RBBP6: variants seen among roughly 807,000 people sequenced by gnomAD.
RBBP6 encodes the protein RB binding protein 6, ubiquitin ligase.
Under a neutral mutation model 167.7 loss-of-function variants are expected in RBBP6, and 25 were observed. The ratio of observed to expected loss-of-function variants is 0.15; its 90% CI spans 0.11 to 0.21. The LOEUF is 0.21. Among genes scored for constraint, RBBP6 ranks in the 10% least tolerant of loss-of-function variants. The probability of loss-of-function intolerance (pLI) is 1.00; values close to 1 mark genes in which losing one functional copy is unlikely to be tolerated. For synonymous variants in RBBP6, 789 were observed against 735.8 expected (o/e 1.07, Z -1.17); for missense variants, 1,868 against 2,134.2 (o/e 0.88, Z 2.46).
intron 14 of RBBP6, among the ~76,000 whole-genome samples, chr16:24,565,527 C>T (rs190810229): frequency 4.9e-4 from 75 of 152,350 alleles, no homozygotes; most frequent in Admixed American, 4.7e-3. Context: ...GTCAGATCAG[C>T]AGTGGCATTA....
rs753116396 is a variant in RBBP6, at chr16:24,564,845, A to C, written c.1569A>C (p.Arg523Ser). ...TTTCTCCACCACAACAAATTAGAAG[A>C]GGGGAGAGGAGCTGCTACAGGTAGG... ...YLVSPPQQIR[R>S]GERSCYRSIN... is the part of the protein sequence containing the mutation. Residue 523 changes from arginine to serine, a missense_variant, in exon 14 of 18, where the codon AGA (arginine) becomes AGC (serine). This residue lies in a region of RBBP6 where 245 missense variants were observed against 240.1 expected (regional missense o/e 1.02). Transcript: ENST00000319715. 6.2e-7 allele frequency: 1 copy of C among 1,613,206 alleles called. No homozygotes were observed. Among genetic ancestry groups the C allele is most frequent in the South Asian group, 1.1e-5 (1 of 90,906 alleles).
chr16:24,570,846 T>A, intron 17 of RBBP6, 30 bp from the exon 18 acceptor site: 1 of 1,375,730 alleles, frequency 7.3e-7, no homozygotes, highest in Non-Finnish European at 9.5e-7. Context: ...AATTCTTCAT[T>A]AATTAAAAAT....
intron 8 of RBBP6, among the ~76,000 whole-genome samples, chr16:24,560,351 C>T (rs1899020710): frequency 6.6e-6 from 1 of 152,132 alleles, no homozygotes; most frequent in Non-Finnish European, 1.5e-5. Flanking sequence ...CGTGATCCGC[C>T]CACCTCGGCC....
intron 1 of RBBP6, among the ~76,000 whole-genome samples, chr16:24,541,318 A>G (rs1196778425): frequency 6.6e-6 from 1 of 151,486 alleles, no homozygotes; most frequent in Non-Finnish European, 1.5e-5. Context: ...TGTGTTGTGG[A>G]TAAGGGATCT....
At position 24,567,432 on chromosome 16, in the gene RBBP6, A is replaced by G. The variant is rs1297279228; in HGVS notation, c.1879A>G (p.Thr627Ala). The G allele has an allele frequency of 8.1e-6, 13 of 1,614,048 alleles. No individual in the cohort carries two copies. The highest frequency in any genetic ancestry group is 1.0e-5 in the Non-Finnish European group (12 of 1,180,008). The stretch of plus-strand genomic sequence containing the variant: ...AGGAGTGCAGACAGCTCATTCAAAT[A>G]CCATCCCAACAACACAAGCACCACC... ...SSGVQTAHSN[T>A]IPTTQAPPLS... The change falls in exon 15 of 18, where the codon ACC becomes GCC. Residue 627 changes from threonine to alanine, a missense_variant. Coordinates refer to ENST00000319715, the MANE Select transcript of RBBP6 (RefSeq NM_006910.5).
chr16:24,571,653 C>CA lies in RBBP6; in HGVS notation c.4594dup (p.Ser1532LysfsTer2). The CA allele has an allele frequency of 6.2e-7, 1 of 1,612,744 alleles. No individual in the cohort carries two copies. The highest frequency in any genetic ancestry group is 8.5e-7 in the Non-Finnish European group (1 of 1,179,682). ...TGCCTAAAAAAGGAACAGGAGATTC[C>CA]AAAAAAAGTAATTCTAGTCCCTCAA... On this transcript the variant is annotated frameshift_variant, in exon 18 of 18. Coordinates refer to ENST00000319715, the MANE Select transcript of RBBP6 (RefSeq NM_006910.5). LOFTEE classifies it high-confidence loss of function.
At chr16:24,554,945 T>G (rs1898880127) in intron 4 of RBBP6, 1 of 152,132 alleles carries the variant, frequency 6.6e-6, no homozygotes, top group African/African-American at 2.4e-5. Flanking sequence ...ACTGGTTGCT[T>G]GTTTTGTGGA....
In RBBP6 at chr16:24,562,156, T is replaced by A. The variant is rs1161741833; in HGVS notation, c.1284T>A (p.Pro428=). The change falls in exon 10 of 18, where the codon CCT becomes CCA. Residue 428 remains proline, a synonymous_variant. Transcript: ENST00000319715. ...ISVHSEKSDG[P]FRDSDNKILP... The stretch of plus-strand genomic sequence containing the variant: ...TTCATTCAGAAAAATCAGATGGACC[T>A]TTTCGGTAAGCCTGTGTGTTTTTCA... 1 of 1,601,118 alleles carries A rather than the reference T, an allele frequency of 6.2e-7. No individual in the cohort carries two copies. Among genetic ancestry groups the A allele is most frequent in the African/African-American group, 1.3e-5 (1 of 74,702 alleles).
rs1414711238 is a variant in RBBP6 at position 24,572,694 on chromosome 16, A to T, written c.*249A>T. The T allele has an allele frequency of 7.6e-6, 3 of 393,058 alleles. No homozygotes were observed. Among genetic ancestry groups the T allele is most frequent in the South Asian group, 5.3e-5 (1 of 18,878 alleles). 24.3% of individuals were successfully genotyped at this position (393,058 alleles called of 1,614,324 possible). ...CTATTATTTTTAACCACCATTAATT[A>T]GTTGGGGTGGAGTTTACTGTAATGT... is the stretch of plus-strand genomic sequence containing the variant. On this transcript the variant is annotated 3_prime_UTR_variant, in exon 18 of 18. Coordinates refer to ENST00000319715, the MANE Select transcript of RBBP6 (RefSeq NM_006910.5).
chr16:24,571,480 G>A lies in RBBP6; in HGVS notation c.4414G>A (p.Asp1472Asn). Residue 1472 changes from aspartate to asparagine, a missense_variant, in exon 18 of 18, where the codon GAC becomes AAC. Transcript: ENST00000319715. ...SSNKDFTPNR[D>N]KKTDYDTREY... Reference sequence around the variant, plus strand: ...AAATAAAGACTTCACTCCCAATAGAGACAAAAAAACTGACTATGACACCAG... The same window carrying A: ...AAATAAAGACTTCACTCCCAATAGAAACAAAAAAACTGACTATGACACCAG... 1 of 1,611,360 alleles carries A rather than the reference G, an allele frequency of 6.2e-7. No homozygotes were observed.
intron 13 of RBBP6, among the ~76,000 whole-genome samples, chr16:24,563,894 A>C (rs1424048335): frequency 6.6e-6 from 1 of 152,006 alleles, no homozygotes; most frequent in South Asian, 2.1e-4. Flanking sequence ...ACAAAATTTT[A>C]AAAGTTTTTT....
At chr16:24,559,708 A>G in intron 8 of RBBP6, 31 bp downstream of exon 8, 1 of 1,480,508 alleles carries the variant, frequency 6.8e-7, no homozygotes, top group Non-Finnish European at 9.0e-7. Flanking sequence ...GAAGATGTAT[A>G]TTTTAGAATA....
intron 16 of RBBP6, 139 bp from the exon 17 acceptor site, chr16:24,568,606 G>A: frequency 8.0e-7 from 1 of 1,244,548 alleles, no homozygotes; most frequent in Non-Finnish European, 1.1e-6. Context: ...AGAGGTCACT[G>A]TGCCTCTTTA....
At chr16:24,546,387 A>G in intron 2 of RBBP6, 125 bp downstream of exon 2, 1 of 1,141,914 alleles carries the variant, frequency 8.8e-7, no homozygotes, top group South Asian at 2.4e-5. Context: ...TCTTCTCAAG[A>G]CTGTGAGGAT....
chr16:24,560,919 T>G (rs1452761760), intron 8 of RBBP6, among the ~76,000 whole-genome samples: 1 of 152,188 alleles, frequency 6.6e-6, no homozygotes, highest in African/African-American at 2.4e-5. Flanking sequence ...AATCTTTATT[T>G]TTTGACCTCT....
Position 24,569,338 on chromosome 16 carries a change from A to T in RBBP6, c.2648A>T (p.Tyr883Phe), listed in dbSNP as rs372220603. The T allele has an allele frequency of 3.7e-6, 6 of 1,613,874 alleles. No homozygotes were observed. The highest frequency in any genetic ancestry group is 5.1e-6 in the Non-Finnish European group (6 of 1,180,000). The change falls in exon 17 of 18, where the codon TAT becomes TTT. Residue 883 changes from tyrosine (Y) to phenylalanine (F), a missense_variant. Tyr to Phe is a conservative substitution (Grantham distance 22, BLOSUM62 3). Transcript: ENST00000319715. ...SPFTRGRRED[Y>F]VGGQSHRSRN... is the part of the protein sequence containing the mutation. ...TTCACAAGAGGCCGCAGAGAAGACTATGTTGGTGGGCAAAGTCATAGAAGT... is the reference window on the plus strand; with the variant it reads ...TTCACAAGAGGCCGCAGAGAAGACTTTGTTGGTGGGCAAAGTCATAGAAGT...
At chr16:24,559,835 G>T (rs866270306) in intron 8 of RBBP6, 158 bp downstream of exon 8, 1 of 569,120 alleles carries the variant, frequency 1.8e-6, no homozygotes. Flanking sequence ...TGTTTTTCTT[G>T]CTGTATCTTT....
chr16:24,563,464 A>T lies in RBBP6; in HGVS notation c.1428A>T (p.Gly476=). The change falls in exon 12 of 18, where the codon GGA becomes GGT. Residue 476 remains glycine, a synonymous_variant. Coordinates refer to ENST00000319715, the MANE Select transcript of RBBP6 (RefSeq NM_006910.5). ...TTCTTGGAACCCCATCTTTGCTTGG[A>T]CAGTCATTATTGCATGGACAGTTGA... ...VPVLGTPSLL[G]QSLLHGQLIP... is the part of the protein sequence containing the mutation. 1 of 1,611,078 alleles carries T rather than the reference A, an allele frequency of 6.2e-7. No homozygotes were observed. Among genetic ancestry groups the T allele is most frequent in the Non-Finnish European group, 8.5e-7 (1 of 1,179,578 alleles).
At chr16:24,545,048 G>A (rs1898606344) in intron 1 of RBBP6, among the ~76,000 whole-genome samples, 1 of 152,026 alleles carries the variant, frequency 6.6e-6, no homozygotes, top group African/African-American at 2.4e-5. Context: ...TTCTACTCTT[G>A]TTCTCCTACA....
Sources: gnomAD v4.1 joint callset for allele counts (sites outside exome capture counted in the v4.1 genomes callset) on GRCh38, gnomAD v4.1.1 for gene constraint, gnomAD v4.1.1 regional missense constraint, MANE v1.5 for transcripts, NCBI Gene and HGNC (gene_info 2026-07-23, HGNC 2026-07-21) for gene names.